KCNT2: variants seen among roughly 807,000 people sequenced by gnomAD.
The protein encoded by KCNT2 is potassium sodium-activated channel subfamily T member 2, also known as potassium channel subfamily T member 2.
KCNT2 carries 67 observed loss-of-function variants against 153.8 expected under a neutral mutation model. The ratio of observed to expected loss-of-function variants is 0.44; its 90% CI spans 0.36 to 0.53. The LOEUF (loss-of-function observed/expected upper bound fraction) is 0.53, where lower values mean the gene tolerates loss of function less well. Among genes scored for constraint, KCNT2 ranks in the 20% least tolerant of loss-of-function variants. The pLI is 0.00. For missense variants in KCNT2, 975 were observed against 1,354.8 expected, an observed-to-expected ratio of 0.72 and a Z score of 4.40; for synonymous variants, 500 against 458.8, an observed-to-expected ratio of 1.09 and a Z score of -1.15.
Position 196,555,645 on chromosome 1 carries a change from A to T in KCNT2, c.95+52570T>A, listed in dbSNP as rs917468726. On this transcript the variant is annotated intron_variant, in intron 1 of 27. Coordinates refer to ENST00000294725, the MANE Select transcript of KCNT2 (RefSeq NM_198503.5). ...AATGACATTCTTCACAGAAATAAAA[A>T]AATATATAAAATTTATATGGAATCA... Among the ~76,000 whole-genome samples, 10 of 151,468 alleles carry T rather than the reference A, an allele frequency of 6.6e-5. No individual in the cohort carries two copies. In the South Asian group the frequency reaches 1.2e-3, roughly 19 times the overall value.
At chr1:196,540,360 C>T (rs577440810) in intron 1 of KCNT2, among the ~76,000 whole-genome samples, 3 of 152,084 alleles carry the variant, frequency 2.0e-5, no homozygotes, top group African/African-American at 7.2e-5. Context: ...AAATCAGGGA[C>T]CATGTTTGGG....
chr1:196,299,654 AGAATG>A (rs1660999150), intron 22 of KCNT2, among the ~76,000 whole-genome samples: 1 of 152,210 alleles, frequency 6.6e-6, no homozygotes. Context: ...GTTGGTTATA[AGAATG>A]CAGAGTAGTA....
intron 12 of KCNT2, among the ~76,000 whole-genome samples, chr1:196,414,075 C>T (rs1672556096): frequency 6.6e-6 from 1 of 151,476 alleles, no homozygotes; most frequent in Admixed American, 6.6e-5. Flanking sequence ...TACCAAGGAA[C>T]ATCATATATA....
At chr1:196,564,559 G>T (rs1394988143) in intron 1 of KCNT2, among the ~76,000 whole-genome samples, 1 of 151,368 alleles carries the variant, frequency 6.6e-6, no homozygotes, top group Non-Finnish European at 1.5e-5. Flanking sequence ...TCAGCAAAAA[G>T]AAAAAAAGTC....
intron 12 of KCNT2, among the ~76,000 whole-genome samples, chr1:196,415,736 A>G (rs888219880): frequency 1.3e-5 from 2 of 151,838 alleles, no homozygotes; most frequent in Admixed American, 6.6e-5. Context: ...GAGCAGAGAT[A>G]CTGTACCACT....
chr1:196,312,278 G>C (rs183015606), intron 21 of KCNT2, among the ~76,000 whole-genome samples: 2 of 151,676 alleles, frequency 1.3e-5, no homozygotes, highest in African/African-American at 4.8e-5. Flanking sequence ...AGTCTTCTGA[G>C]TAAAGGAGTG....
chr1:196,285,914 T>C (rs1659609557), intron 22 of KCNT2, among the ~76,000 whole-genome samples, 156 bp from the exon 23 acceptor site: 1 of 152,192 alleles, frequency 6.6e-6, no homozygotes, highest in African/African-American at 2.4e-5. Context: ...TTTTTTAAAC[T>C]GCCCTTTCGT....
rs1040901920 is a variant in KCNT2 at position 196,292,577 on chromosome 1, C to A, written c.2596-6819G>T. Among the ~76,000 whole-genome samples, 4 of 152,142 alleles carry A rather than the reference C, an allele frequency of 2.6e-5. No individual in the cohort carries two copies. The South Asian group carries it at 8.3e-4, about 32-fold the overall frequency. ...ATCCCAGCACTTTGGGAGGCCGAGG[C>A]GGGCGGATCACAAGGTCAGGAGATC... On this transcript the variant is annotated intron_variant, in intron 22 of 27. Transcript: ENST00000294725.
In KCNT2 at chr1:196,280,958, T is replaced by C; in HGVS notation, c.2812A>G (p.Arg938Gly). 1 of 1,611,664 alleles carries C rather than the reference T, an allele frequency of 6.2e-7. No homozygotes were observed. Among genetic ancestry groups the C allele is most frequent in the Non-Finnish European group, 8.5e-7 (1 of 1,177,856 alleles). The change falls in exon 25 of 28, where the codon AGA becomes GGA. Residue 938 changes from arginine (R) to glycine (G), a missense_variant. This residue lies in a region of KCNT2 where 241 missense variants were observed against 271.1 expected (regional missense o/e 0.89). Coordinates refer to ENST00000294725, the MANE Select transcript of KCNT2 (RefSeq NM_198503.5). ...MKITADDLWI[R>G]TYARLYQKLC... ...TTCTGATAAAGTCTGGCATAAGTTC[T>C]GATCCATAAGTCATCTGCAGTGATT...
At chr1:196,332,235 C>T (rs1664535843) in intron 17 of KCNT2, among the ~76,000 whole-genome samples, 1 of 152,062 alleles carries the variant, frequency 6.6e-6, no homozygotes, top group African/African-American at 2.4e-5. Flanking sequence ...GTAATCTCTA[C>T]AATTACTCAA....
intron 1 of KCNT2, among the ~76,000 whole-genome samples, chr1:196,593,438 T>C (rs1663661108): frequency 6.6e-6 from 1 of 151,828 alleles, no homozygotes; most frequent in African/African-American, 2.4e-5. Context: ...CAATTGTGAA[T>C]TGTGCTGCTA....
chr1:196,503,444 T>A (rs796180567), intron 1 of KCNT2, among the ~76,000 whole-genome samples: 2 of 152,084 alleles, frequency 1.3e-5, no homozygotes, highest in East Asian at 3.9e-4. Flanking sequence ...CAATCAAAAC[T>A]CTTCATAACT....
At chr1:196,398,781 C>T in intron 12 of KCNT2, 110 bp from the exon 13 acceptor site, 1 of 558,530 alleles carries the variant, frequency 1.8e-6, no homozygotes, top group Non-Finnish European at 3.2e-6. Context: ...AAAACTTAAA[C>T]ATAAAAATTA....
intron 1 of KCNT2, among the ~76,000 whole-genome samples, chr1:196,557,717 G>T (rs975459006): frequency 2.0e-5 from 3 of 151,024 alleles, no homozygotes; most frequent in African/African-American, 7.3e-5. Context: ...AAAAGTATAG[G>T]ATTATTAAAG....
Position 196,269,357 on chromosome 1 carries a change from A to ATG in KCNT2, c.2911-10865_2911-10864dup, listed in dbSNP as rs142861067. 3.1e-3 allele frequency among the ~76,000 whole-genome samples: 462 copies of ATG among 150,510 alleles called. 1 individual carries two copies. The highest frequency in any genetic ancestry group is 5.3e-3 in the African/African-American group (218 of 41,196). On this transcript the variant is annotated intron_variant, in intron 25 of 27. Coordinates refer to ENST00000294725, the MANE Select transcript of KCNT2 (RefSeq NM_198503.5). ...GGTTTCAACATGCGAGTGTGTGTATATGTGTGTGTGTGTGTGTGCATGTAC... is the reference window on the plus strand; with the variant it reads ...GGTTTCAACATGCGAGTGTGTGTATATGTGTGTGTGTGTGTGTGTGCATGTAC...
At chr1:196,370,033 C>A (rs1271084395) in intron 14 of KCNT2, among the ~76,000 whole-genome samples, 1 of 151,930 alleles carries the variant, frequency 6.6e-6, no homozygotes. Context: ...CCATCTCACA[C>A]CAGTTAGAAT....
intron 25 of KCNT2, among the ~76,000 whole-genome samples, chr1:196,271,857 C>A (rs1558087131): frequency 1.3e-5 from 2 of 151,852 alleles, no homozygotes; most frequent in Admixed American, 6.6e-5. Flanking sequence ...TTATTTATAA[C>A]TTTAAGTGAA....
chr1:196,248,038 T>C (rs11805373), intron 26 of KCNT2, among the ~76,000 whole-genome samples: 3,294 of 152,180 alleles, frequency 0.022, 100 homozygotes, highest in African/African-American at 0.074. Context: ...CAGTATAATC[T>C]TGAATGACCA....
intron 22 of KCNT2, among the ~76,000 whole-genome samples, chr1:196,291,334 C>G (rs919680846): frequency 1.3e-5 from 2 of 151,478 alleles, no homozygotes; most frequent in African/African-American, 2.4e-5. Context: ...ATTAACTTTC[C>G]TTACAGAGAG....
Sources: allele counts gnomAD v4.1 joint callset (sites outside exome capture counted in the v4.1 genomes callset), GRCh38; gene constraint gnomAD v4.1.1; regional missense constraint gnomAD v4.1.1; transcripts MANE v1.5; gene names NCBI Gene and HGNC (gene_info 2026-07-23, HGNC 2026-07-21).